The following JAKMIP2 variants were observed in gnomAD, a reference collection of about 807,000 sequenced individuals.
JAKMIP2 encodes janus kinase and microtubule interacting protein 2, also known as janus kinase and microtubule-interacting protein 2.
JAKMIP2 carries 25 observed loss-of-function variants against 115.0 expected under a neutral mutation model. The observed-to-expected ratio is 0.22, with a 90% CI of 0.16 to 0.30. The LOEUF is 0.30. JAKMIP2 is among the 10% of genes least tolerant of loss of function. The pLI is 1.00. For synonymous variants in JAKMIP2, 334 were observed against 343.6 expected (o/e 0.97, Z 0.31); for missense variants, 642 against 957.6 (o/e 0.67, Z 4.35).
intron 16 of JAKMIP2, among the ~76,000 whole-genome samples, chr5:147,627,678 TA>T (rs768481105): frequency 0.022 from 1,563 of 70,284 alleles, 53 homozygotes; most frequent in African/African-American, 0.083. Flanking sequence ...AGCCTTTCTG[TA>T]AAAAAAAAAA....
chr5:147,651,052 T>A (rs1758371740), intron 3 of JAKMIP2, among the ~76,000 whole-genome samples: 1 of 152,084 alleles, frequency 6.6e-6, no homozygotes, highest in Non-Finnish European at 1.5e-5. Context: ...TTTCCAAGAC[T>A]AACATGCTTG....
rs1754856458 is a variant in JAKMIP2 at position 147,586,032 on chromosome 5, C to T, written c.*5675G>A. On this transcript the variant is annotated 3_prime_UTR_variant, in exon 22 of 22. Coordinates refer to ENST00000616793, the MANE Select transcript of JAKMIP2 (RefSeq NM_001270941.2). ...AAAACCTATTTGCTGGTTTATGGGC[C>T]TGGATAATTGAAAAACCGAGTGGTC... is the stretch of plus-strand genomic sequence containing the variant. 1.3e-5 allele frequency: 2 copies of T among 151,622 alleles called. No homozygotes were observed. Among genetic ancestry groups the T allele is most frequent in the African/African-American group, 2.4e-5 (1 of 41,282 alleles). 9.4% of individuals were successfully genotyped at this position (151,622 alleles called of 1,614,324 possible).
intron 1 of JAKMIP2, among the ~76,000 whole-genome samples, chr5:147,705,029 A>G (rs1308265462): frequency 6.6e-6 from 1 of 152,206 alleles, no homozygotes; most frequent in Non-Finnish European, 1.5e-5. Flanking sequence ...TGCCACATTC[A>G]GGATACATGA....
intron 1 of JAKMIP2, among the ~76,000 whole-genome samples, chr5:147,752,692 C>T (rs921990973): frequency 7.9e-5 from 12 of 151,858 alleles, no homozygotes; most frequent in East Asian, 5.8e-4. Context: ...GCCCATGGTG[C>T]GGGGTGGCAC....
intron 1 of JAKMIP2, among the ~76,000 whole-genome samples, chr5:147,672,275 C>G (rs1238701225): frequency 6.6e-6 from 1 of 152,184 alleles, no homozygotes; most frequent in Non-Finnish European, 1.5e-5. Context: ...CACTGATACT[C>G]CAAACATAAG....
At chr5:147,702,460 A>AG (rs1454807167) in intron 1 of JAKMIP2, among the ~76,000 whole-genome samples, 22 of 122,600 alleles carry the variant, frequency 1.8e-4, no homozygotes, top group East Asian at 9.3e-4. Flanking sequence ...GAAGGAAGGA[A>AG]GGAAGGGAGG....
At chr5:147,601,629 AAAC>A in intron 21 of JAKMIP2, 109 bp downstream of exon 21, 1 of 604,320 alleles carries the variant, frequency 1.7e-6, no homozygotes, top group Non-Finnish European at 2.7e-6. Context: ...AAACAAAACA[AAAC>A]AAAACAAAAC....
intron 12 of JAKMIP2, among the ~76,000 whole-genome samples, chr5:147,635,918 C>T (rs180848655): frequency 4.0e-5 from 6 of 150,142 alleles, no homozygotes; most frequent in Admixed American, 6.6e-5. Context: ...TGTGTGTGTG[C>T]GTGTATGTAT....
At chr5:147,669,344 C>T (rs530217500) in intron 2 of JAKMIP2, among the ~76,000 whole-genome samples, 10 of 152,166 alleles carry the variant, frequency 6.6e-5, no homozygotes, top group East Asian at 3.9e-4. Flanking sequence ...GAGAAAAGGA[C>T]GAGGCTGTGT....
In JAKMIP2 at chr5:147,647,771, C is replaced by A. The variant is rs554177178; in HGVS notation, c.936+605G>T. Among the ~76,000 whole-genome samples, 18 of 152,224 alleles carry A rather than the reference C, an allele frequency of 1.2e-4. No homozygotes were observed. In the South Asian group the frequency reaches 3.7e-3, roughly 32 times the overall value. ...TAATAACTATTGATGCTGACTACAT[C>A]CATACTCTAACATCCAGTAATTCTA... On this transcript the variant is annotated intron_variant, in intron 5 of 21. Transcript: ENST00000616793.
chr5:147,769,871 T>C (rs1755286962), intron 1 of JAKMIP2, among the ~76,000 whole-genome samples: 1 of 152,104 alleles, frequency 6.6e-6, no homozygotes, highest in African/African-American at 2.4e-5. Context: ...TTTGGGTTTG[T>C]AGATGATTTA....
At chr5:147,641,244 A>G (rs946811860) in intron 8 of JAKMIP2, among the ~76,000 whole-genome samples, 1 of 152,226 alleles carries the variant, frequency 6.6e-6, no homozygotes, top group Non-Finnish European at 1.5e-5. Flanking sequence ...GGTAAAAACC[A>G]AAATAAAAAT....
At chr5:147,761,364 A>C (rs1206477636) in intron 1 of JAKMIP2, among the ~76,000 whole-genome samples, 2 of 152,066 alleles carry the variant, frequency 1.3e-5, no homozygotes, top group African/African-American at 4.8e-5. Flanking sequence ...AATATTGACT[A>C]TGTAGGGAGC....
At chr5:147,599,833 C>G (rs979147825) in intron 21 of JAKMIP2, among the ~76,000 whole-genome samples, 1 of 152,110 alleles carries the variant, frequency 6.6e-6, no homozygotes, top group Non-Finnish European at 1.5e-5. Flanking sequence ...AAGTCACATG[C>G]TGTAGTTTCT....
intron 2 of JAKMIP2, among the ~76,000 whole-genome samples, chr5:147,663,026 TG>T (rs1759110969): frequency 6.6e-6 from 1 of 151,846 alleles, no homozygotes; most frequent in Non-Finnish European, 1.5e-5. Flanking sequence ...GGAAGAAAAT[TG>T]GGGAGTCCCA....
intron 1 of JAKMIP2, among the ~76,000 whole-genome samples, chr5:147,676,065 G>A (rs1759935504): frequency 6.6e-6 from 1 of 152,154 alleles, no homozygotes; most frequent in Admixed American, 6.5e-5. Flanking sequence ...CGGGTGCGGT[G>A]GCTCACGCCT....
intron 1 of JAKMIP2, among the ~76,000 whole-genome samples, chr5:147,766,105 T>G (rs1475406438): frequency 1.3e-5 from 2 of 152,200 alleles, no homozygotes; most frequent in African/African-American, 4.8e-5. Context: ...GATCTACTCC[T>G]TAGGGTTGTG....
intron 1 of JAKMIP2, among the ~76,000 whole-genome samples, chr5:147,759,628 A>G (rs1754863780): frequency 6.6e-6 from 1 of 152,162 alleles, no homozygotes; most frequent in Non-Finnish European, 1.5e-5. Flanking sequence ...GGATGGTGAG[A>G]GAGCCTCCCT....
Position 147,657,510 on chromosome 5 carries a change from G to C in JAKMIP2, c.627+3438C>G, listed in dbSNP as rs544074156. On this transcript the variant is annotated intron_variant, in intron 3 of 21. Transcript: ENST00000616793. ...GTTGATCTTCTAATGGAGTATCTTA[G>C]TGGTGTTCTCTGTATTTCCTGGATT... Among the ~76,000 whole-genome samples, 9 of 152,234 alleles carry C rather than the reference G, an allele frequency of 5.9e-5. No individual in the cohort carries two copies. In the South Asian group the frequency reaches 1.9e-3, roughly 32 times the overall value.
Sources: allele counts gnomAD v4.1 joint callset (sites outside exome capture counted in the v4.1 genomes callset), GRCh38; gene constraint gnomAD v4.1.1; transcripts MANE v1.5; gene names NCBI Gene and HGNC (gene_info 2026-07-23, HGNC 2026-07-21).